Variants in PTPRR observed in about 807,000 individuals in gnomAD.
The protein encoded by PTPRR is receptor-type tyrosine-protein phosphatase R.
A neutral mutation model predicts 77.2 loss-of-function variants in PTPRR; 38 were observed. The ratio of observed to expected loss-of-function variants is 0.49; its 90% CI spans 0.38 to 0.65. The LOEUF (loss-of-function observed/expected upper bound fraction) is 0.65, where lower values mean the gene tolerates loss of function less well. PTPRR is among the 30% of genes least tolerant of loss of function. The pLI, the probability that PTPRR is intolerant of heterozygous loss-of-function variation, is 0.00. For missense variants in PTPRR, 744 were observed against 799.2 expected (o/e 0.93, Z 0.83); for synonymous variants, 299 against 283.1 (o/e 1.06, Z -0.57).
At chr12:70,720,054 CTG>C (rs1358225091) in intron 6 of PTPRR, among the ~76,000 whole-genome samples, 8 of 152,220 alleles carry the variant, frequency 5.3e-5, no homozygotes, top group African/African-American at 1.9e-4. Flanking sequence ...TGGAATTGGT[CTG>C]TGTTAGGCTG....
At chr12:70,667,664 C>A (rs1443207118) in intron 10 of PTPRR, among the ~76,000 whole-genome samples, 1 of 152,136 alleles carries the variant, frequency 6.6e-6, no homozygotes, top group African/African-American at 2.4e-5. Context: ...CAAAGTCCTG[C>A]ATGAGATCCT....
At chr12:70,684,557 A>G in intron 9 of PTPRR, 147 bp downstream of exon 9, 1 of 674,380 alleles carries the variant, frequency 1.5e-6, no homozygotes, top group South Asian at 2.0e-5. Context: ...AACAATGTTG[A>G]TTATGACTAA....
chr12:70,832,282 C>T (rs1892226604), intron 2 of PTPRR, among the ~76,000 whole-genome samples: 1 of 152,216 alleles, frequency 6.6e-6, no homozygotes, highest in South Asian at 2.1e-4. Context: ...TGCCCCAAAG[C>T]TCTGCCCAAT....
chr12:70,778,314 C>T (rs1282474036), intron 2 of PTPRR, among the ~76,000 whole-genome samples: 2 of 152,078 alleles, frequency 1.3e-5, no homozygotes, highest in African/African-American at 2.4e-5. Context: ...GCCTTTCCCA[C>T]CCCTCATCTC....
chr12:70,865,907 C>T (rs1892836735), intron 2 of PTPRR, among the ~76,000 whole-genome samples: 5 of 152,144 alleles, frequency 3.3e-5, no homozygotes, highest in South Asian at 2.1e-4. Flanking sequence ...CACTGTTATA[C>T]CAGATCTCTT....
At chr12:70,656,566 T>C in intron 13 of PTPRR, 138 bp downstream of exon 13, 1 of 609,504 alleles carries the variant, frequency 1.6e-6, no homozygotes, top group Non-Finnish European at 2.9e-6. Flanking sequence ...ATATAATGCA[T>C]ATACTTAAGC....
chr12:70,869,014 T>A (rs540331313), intron 2 of PTPRR, among the ~76,000 whole-genome samples: 3 of 114,366 alleles, frequency 2.6e-5, no homozygotes, highest in African/African-American at 1.0e-4. Flanking sequence ...AAGGGGAACA[T>A]CACACTCTGG....
intron 2 of PTPRR, among the ~76,000 whole-genome samples, chr12:70,859,350 C>A (rs1892709567): frequency 6.6e-6 from 1 of 152,016 alleles, no homozygotes; most frequent in Non-Finnish European, 1.5e-5. Flanking sequence ...GGTTTCTGTT[C>A]AGCAATCTCC....
intron 2 of PTPRR, among the ~76,000 whole-genome samples, chr12:70,850,478 T>A (rs1388632487): frequency 6.6e-6 from 1 of 152,186 alleles, no homozygotes; most frequent in African/African-American, 2.4e-5. Context: ...CTAAAATGAC[T>A]ACCTACCTCA....
chr12:70,672,058 G>C (rs1295133838), intron 10 of PTPRR: 1 of 1,312,500 alleles, frequency 7.6e-7, no homozygotes, highest in Non-Finnish European at 1.1e-6. Context: ...CAGAGATGGA[G>C]AATGGTGGAA....
intron 10 of PTPRR, chr12:70,672,932 C>T (rs768781399): frequency 1.0e-5 from 15 of 1,460,806 alleles, no homozygotes; most frequent in Middle Eastern, 1.9e-4. Context: ...AGGGAAATGT[C>T]GAATGCCAGG....
intron 2 of PTPRR, among the ~76,000 whole-genome samples, chr12:70,861,789 T>C (rs1450385410): frequency 6.6e-6 from 1 of 152,134 alleles, no homozygotes; most frequent in Non-Finnish European, 1.5e-5. Flanking sequence ...TTTCTTTATA[T>C]GAGGATTCAT....
intron 2 of PTPRR, among the ~76,000 whole-genome samples, chr12:70,799,377 A>G (rs755012161): frequency 2.0e-5 from 3 of 152,200 alleles, no homozygotes; most frequent in Admixed American, 6.5e-5. Context: ...AAAATTTTCA[A>G]TTGAGCTCCC....
At chr12:70,709,625 T>G (rs1192902027) in intron 6 of PTPRR, among the ~76,000 whole-genome samples, 1 of 152,104 alleles carries the variant, frequency 6.6e-6, no homozygotes, top group Non-Finnish European at 1.5e-5. Context: ...AATAAACAAC[T>G]TCAGCAAAGT....
chr12:70,662,549 C>A lies in PTPRR; in HGVS notation c.1554G>T (p.Leu518=). The change falls in exon 11 of 14, where the codon CTG becomes CTT. Residue 518 remains leucine, a synonymous_variant. Coordinates refer to ENST00000283228, the MANE Select transcript of PTPRR (RefSeq NM_002849.4). Reference sequence around the variant, plus strand: ...TATCACATTCATTTACACTGATAACCAGAACCTCAACTTTTCCATATATCC... The same window carrying A: ...TATCACATTCATTTACACTGATAACAAGAACCTCAACTTTTCCATATATCC... ...KRGIYGKVEV[L]VISVNECDNY... The A allele has an allele frequency of 6.2e-7, 1 of 1,612,708 alleles. No homozygotes were observed. The highest frequency in any genetic ancestry group is 8.5e-7 in the Non-Finnish European group (1 of 1,179,196).
At chr12:70,699,413 G>A (rs1294900292) in intron 7 of PTPRR, among the ~76,000 whole-genome samples, 1 of 152,000 alleles carries the variant, frequency 6.6e-6, no homozygotes, top group Non-Finnish European at 1.5e-5. Context: ...TGAATTTGAG[G>A]CTTGTTCTAC....
chr12:70,658,229 C>A (rs1432133646), intron 12 of PTPRR, among the ~76,000 whole-genome samples: 1 of 152,148 alleles, frequency 6.6e-6, no homozygotes, highest in Non-Finnish European at 1.5e-5. Flanking sequence ...TCAGAAATGC[C>A]CTCCCTCCTT....
chr12:70,753,360 G>T (rs545517294), intron 5 of PTPRR, among the ~76,000 whole-genome samples: 1 of 152,208 alleles, frequency 6.6e-6, no homozygotes, highest in Non-Finnish European at 1.5e-5. Flanking sequence ...AACTAAGGAA[G>T]AAGTATTTAT....
chr12:70,732,314 C>T (rs556607804), intron 6 of PTPRR, among the ~76,000 whole-genome samples: 5 of 152,310 alleles, frequency 3.3e-5, no homozygotes, highest in East Asian at 1.9e-4. Flanking sequence ...TTGGTAACAA[C>T]ATGCTAAGTT....
Sources: allele counts gnomAD v4.1 joint callset (sites outside exome capture counted in the v4.1 genomes callset), GRCh38; gene constraint gnomAD v4.1.1; transcripts MANE v1.5; gene names NCBI Gene and HGNC (gene_info 2026-07-23, HGNC 2026-07-21).